Variants in TRIM44 observed in about 807,000 individuals in gnomAD.
TRIM44 encodes the protein tripartite motif containing 44.
Under a neutral mutation model 37.4 loss-of-function variants are expected in TRIM44, and 13 were observed. The ratio of observed to expected loss-of-function variants is 0.35; its 90% CI spans 0.23 to 0.55. The LOEUF (loss-of-function observed/expected upper bound fraction) is 0.55, where lower values mean the gene tolerates loss of function less well. Ranked by LOEUF, TRIM44 falls within the 20% of genes least tolerant of loss-of-function variation. The pLI is 0.89. For missense variants in TRIM44, 426 were observed against 437.2 expected (o/e 0.97, Z 0.23); for synonymous variants, 175 against 157.2 (o/e 1.11, Z -0.85).
At chr11:35,708,882 G>A (rs2970324) in intron 2 of TRIM44, among the ~76,000 whole-genome samples, 23 of 151,640 alleles carry the variant, frequency 1.5e-4, no homozygotes, top group African/African-American at 5.6e-4. Context: ...TGCACATTGT[G>A]CACATGTACC....
intron 4 of TRIM44, among the ~76,000 whole-genome samples, chr11:35,746,698 G>T (rs1284509596): frequency 6.6e-6 from 1 of 152,032 alleles, no homozygotes; most frequent in Non-Finnish European, 1.5e-5. Context: ...GTTACAACTG[G>T]AGTACCCTAA....
chr11:35,779,961 C>T (rs189594669), intron 4 of TRIM44, among the ~76,000 whole-genome samples: 11 of 149,422 alleles, frequency 7.4e-5, no homozygotes, highest in South Asian at 2.1e-4. Context: ...TTCCATTGAT[C>T]GGTATGTCTG....
At chr11:35,792,651 G>T (rs973941845) in intron 4 of TRIM44, among the ~76,000 whole-genome samples, 1 of 152,330 alleles carries the variant, frequency 6.6e-6, no homozygotes, top group Middle Eastern at 3.4e-3. Context: ...GCTGCCAAAT[G>T]TCTTCAGTGC....
chr11:35,681,027 T>A (rs144013593), intron 1 of TRIM44, among the ~76,000 whole-genome samples: 1 of 152,348 alleles, frequency 6.6e-6, no homozygotes, highest in East Asian at 1.9e-4. Context: ...ACCATGTATA[T>A]GTTATAAATC....
chr11:35,681,184 A>G (rs1851517897), intron 1 of TRIM44, among the ~76,000 whole-genome samples: 1 of 152,234 alleles, frequency 6.6e-6, no homozygotes, highest in Non-Finnish European at 1.5e-5. Flanking sequence ...GTGAAATGCC[A>G]GTGAAAGAGT....
In TRIM44 at chr11:35,754,017, G is replaced by A. The variant is rs917102645; in HGVS notation, c.1007+18572G>A. ...TGAGACTGCACCACTGCACTCCAGC[G>A]TGGGTGACCAAGTGAGACTGTCTCA... On this transcript the variant is annotated intron_variant, in intron 4 of 4. Transcript: ENST00000299413. 3.9e-5 allele frequency among the ~76,000 whole-genome samples: 6 copies of A among 151,920 alleles called. No homozygotes were observed. In the South Asian group the frequency reaches 8.3e-4, roughly 21 times the overall value.
intron 4 of TRIM44, among the ~76,000 whole-genome samples, chr11:35,761,470 C>A (rs1282607151): frequency 6.6e-6 from 1 of 151,958 alleles, no homozygotes; most frequent in African/African-American, 2.4e-5. Flanking sequence ...GACTCATGAA[C>A]CCATGGCCAT....
intron 2 of TRIM44, among the ~76,000 whole-genome samples, chr11:35,706,316 C>T (rs1851880473): frequency 6.6e-6 from 1 of 151,866 alleles, no homozygotes; most frequent in South Asian, 2.1e-4. Context: ...GATTCACAGC[C>T]GAATTCTACC....
chr11:35,782,313 C>A (rs1853077392), intron 4 of TRIM44, among the ~76,000 whole-genome samples: 1 of 152,218 alleles, frequency 6.6e-6, no homozygotes, highest in Middle Eastern at 3.4e-3. Context: ...GAATGAAATT[C>A]TTGGCAGAGG....
chr11:35,728,919 G>A (rs140540829), intron 3 of TRIM44, among the ~76,000 whole-genome samples: 34 of 152,220 alleles, frequency 2.2e-4, no homozygotes, highest in African/African-American at 8.2e-4. Flanking sequence ...GCAAATTGCA[G>A]CTTCTGGTTC....
At chr11:35,744,257 T>C (rs568207906) in intron 4 of TRIM44, among the ~76,000 whole-genome samples, 1 of 152,272 alleles carries the variant, frequency 6.6e-6, no homozygotes, top group East Asian at 1.9e-4. Context: ...AAAATTAGTA[T>C]GAGTATGTGC....
At chr11:35,669,174 A>C (rs1268225716) in intron 1 of TRIM44, among the ~76,000 whole-genome samples, 1 of 152,200 alleles carries the variant, frequency 6.6e-6, no homozygotes, top group Non-Finnish European at 1.5e-5. Context: ...GCATACTTCA[A>C]GAGAGGATTC....
At chr11:35,768,377 G>A (rs1347158453) in intron 4 of TRIM44, among the ~76,000 whole-genome samples, 6 of 152,126 alleles carry the variant, frequency 3.9e-5, no homozygotes, top group African/African-American at 1.4e-4. Context: ...AGGTCACACA[G>A]CTAGTTGAAG....
At chr11:35,754,626 G>A (rs1477040386) in intron 4 of TRIM44, among the ~76,000 whole-genome samples, 1 of 151,580 alleles carries the variant, frequency 6.6e-6, no homozygotes, top group Non-Finnish European at 1.5e-5. Flanking sequence ...TTTAACATTA[G>A]GTATATCTCC....
intron 4 of TRIM44, among the ~76,000 whole-genome samples, chr11:35,776,209 A>T (rs1461788487): frequency 6.6e-6 from 1 of 152,176 alleles, no homozygotes. Context: ...GTGTCCAGGA[A>T]TTTATGCATT....
rs142847840 is a variant in TRIM44, at chr11:35,714,522, G to C, written c.748-11402G>C. On this transcript the variant is annotated intron_variant, in intron 2 of 4. Transcript: ENST00000299413. ...CAGCAAACATGAGAGCTACGTCTCA[G>C]TGCCCTTTCCTGAGTATTTGTGGCA... is the stretch of plus-strand genomic sequence containing the variant. Among the ~76,000 whole-genome samples, 281 of 152,268 alleles carry C rather than the reference G, an allele frequency of 1.8e-3. 2 individuals carry two copies. Among genetic ancestry groups the C allele is most frequent in the African/African-American group, 6.5e-3 (270 of 41,568 alleles).
chr11:35,712,134 G>A (rs1851982308), intron 2 of TRIM44, among the ~76,000 whole-genome samples: 1 of 152,158 alleles, frequency 6.6e-6, no homozygotes, highest in Non-Finnish European at 1.5e-5. Flanking sequence ...ACTGGCAGTA[G>A]TTCAGCATAG....
At chr11:35,687,286 G>A (rs1851593261) in intron 2 of TRIM44, among the ~76,000 whole-genome samples, 1 of 152,154 alleles carries the variant, frequency 6.6e-6, no homozygotes, top group Non-Finnish European at 1.5e-5. Flanking sequence ...CTCTTCATAT[G>A]GCAATGAAAA....
At chr11:35,680,612 A>G (rs116780168) in intron 1 of TRIM44, among the ~76,000 whole-genome samples, 1,646 of 152,258 alleles carry the variant, frequency 0.011, 33 homozygotes, top group African/African-American at 0.037. Context: ...TTTTAGTATT[A>G]CAAACAGTGC....
Sources: gnomAD v4.1 joint callset for allele counts (sites outside exome capture counted in the v4.1 genomes callset) on GRCh38, gnomAD v4.1.1 for gene constraint, MANE v1.5 for transcripts, NCBI Gene and HGNC (gene_info 2026-07-23, HGNC 2026-07-21) for gene names.